The following C4orf46 variants were observed in gnomAD, a reference collection of about 807,000 sequenced individuals.
The protein encoded by C4orf46 is chromosome 4 open reading frame 46.
A neutral mutation model predicts 9.1 loss-of-function variants in C4orf46; 8 were observed. The observed-to-expected ratio is 0.88, with a 90% CI of 0.52 to 1.59. The LOEUF (loss-of-function observed/expected upper bound fraction) is 1.59. C4orf46 is among the 40% of genes most tolerant of loss of function. The pLI, the probability that C4orf46 is intolerant of heterozygous loss-of-function variation, is 0.00. For missense variants in C4orf46, 151 were observed against 139.1 expected (o/e 1.09, Z -0.43); for synonymous variants, 51 against 58.8 (o/e 0.87, Z 0.61).
chr4:158,671,929 T>C (rs926415823), upstream of C4orf46: 2 of 743,680 alleles, frequency 2.7e-6, no homozygotes, highest in Non-Finnish European at 4.3e-6. Context: ...AGTCTCCTCG[T>C]GGGTCTCAGC....
At chr4:158,669,865 A>G in intron 1 of C4orf46, 97 bp from the exon 2 acceptor site, 1 of 981,358 alleles carries the variant, frequency 1.0e-6, no homozygotes. Context: ...TCCAATGCCC[A>G]TGTTATTTTC....
chr4:158,670,023 C>CTTTTTTTTTTGTTTTTT (rs1773481333), intron 1 of C4orf46, among the ~76,000 whole-genome samples: 1 of 17,676 alleles, frequency 5.7e-5, no homozygotes, highest in African/African-American at 1.1e-4. Context: ...TAGTTGTTTT[C>CTTTTTTTTTTGTTTTTT]TTTTTTTTTT....
rs576383091 is a variant in C4orf46 at position 158,667,702 on chromosome 4, T to C, written c.*1911A>G. 1 of 139,138 alleles carries C rather than the reference T, an allele frequency of 7.2e-6. No homozygotes were observed. The highest frequency in any genetic ancestry group is 1.6e-5 in the Non-Finnish European group (1 of 63,718). 8.6% of individuals were successfully genotyped at this position (139,138 alleles called of 1,614,324 possible). A position where few individuals can be genotyped will look rare whatever the true frequency, so the allele number is the denominator to read the frequency against. On this transcript the variant is annotated 3_prime_UTR_variant, in exon 2 of 2. Transcript: ENST00000379205. ...AGCAATAGAGTGAGATCTTGTCTCT[T>C]AAAAAAAAAAAAAAGAGTAAAAGAT...
At chr4:158,671,500 G>A in intron 1 of C4orf46, 116 bp downstream of exon 1, 1 of 1,109,180 alleles carries the variant, frequency 9.0e-7, no homozygotes, top group Non-Finnish European at 1.2e-6. Flanking sequence ...GCGCAGAAGG[G>A]CCGGTCGTCC....
rs548619249 is a variant in C4orf46 at position 158,666,747 on chromosome 4, G to A, written c.*2866C>T. On this transcript the variant is annotated 3_prime_UTR_variant, in exon 2 of 2. Transcript: ENST00000379205. The stretch of plus-strand genomic sequence containing the variant: ...CACACAGGAGAAAACTCAATGAAAA[G>A]GTAAACACAAGTAGTGGCTTACAAC... The A allele has an allele frequency of 7.2e-5, 11 of 152,236 alleles. No individual in the cohort carries two copies. In the East Asian group the frequency reaches 1.7e-3, roughly 24 times the overall value. 9.4% of individuals were successfully genotyped at this position (152,236 alleles called of 1,614,324 possible).
intron 1 of C4orf46, among the ~76,000 whole-genome samples, chr4:158,670,320 G>A (rs1209810916): frequency 6.6e-6 from 1 of 152,070 alleles, no homozygotes; most frequent in African/African-American, 2.4e-5. Context: ...ACCGTGCTTG[G>A]CCCAGGATTG....
chr4:158,667,862 C>G lies in C4orf46; in HGVS notation c.*1751G>C, dbSNP rs945970030. 2.9e-4 allele frequency: 44 copies of G among 152,294 alleles called. No homozygotes were observed. The highest frequency in any genetic ancestry group is 1.1e-3 in the African/African-American group (44 of 41,544). 9.4% of individuals were successfully genotyped at this position (152,294 alleles called of 1,614,324 possible). On this transcript the variant is annotated 3_prime_UTR_variant, in exon 2 of 2. Transcript: ENST00000379205. ...AGGGATCACTGGGGCCATCTGGAAG[C>G]TGGCTACCACATATATAAAACAATA...
rs1773389997 is a variant in C4orf46 at position 158,666,887 on chromosome 4, A to G, written c.*2726T>C. Reference sequence around the variant, plus strand: ...AACTGTGGAAGGTAAATATATGTTAAGAAACTAATAGTTTCTTGTTTGTAG... The same window carrying G: ...AACTGTGGAAGGTAAATATATGTTAGGAAACTAATAGTTTCTTGTTTGTAG... On this transcript the variant is annotated 3_prime_UTR_variant, in exon 2 of 2. Transcript: ENST00000379205. 1.3e-5 allele frequency: 2 copies of G among 152,170 alleles called. No homozygotes were observed. The highest frequency in any genetic ancestry group is 2.1e-4 in the South Asian group (1 of 4,836). The allele number at this position is 152,170 out of a possible 1,614,324, so 9.4% of individuals were successfully genotyped here. A position where few individuals can be genotyped will look rare whatever the true frequency, so the allele number is the denominator to read the frequency against.
In C4orf46 at chr4:158,667,170, A is replaced by C. The variant is rs1394043267; in HGVS notation, c.*2443T>G. On this transcript the variant is annotated 3_prime_UTR_variant, in exon 2 of 2. Transcript: ENST00000379205. ...GGTCAGAATCTGGCCCTTACATAGT[A>C]ACTGCATGACAGATGTTGCACTTGA... 1 of 152,236 alleles carries C rather than the reference A, an allele frequency of 6.6e-6. No homozygotes were observed. The highest frequency in any genetic ancestry group is 6.5e-5 in the Admixed American group (1 of 15,290). The allele number at this position is 152,236 out of a possible 1,614,324, so 9.4% of individuals were successfully genotyped here. A position where few individuals can be genotyped will look rare whatever the true frequency, so the allele number is the denominator to read the frequency against.
At position 158,671,709 on chromosome 4, in the gene C4orf46, C is replaced by G. The variant is rs148787311; in HGVS notation, c.93G>C (p.Pro31=). The change falls in exon 1 of 2, where the codon CCG becomes CCC. Residue 31 remains proline, a synonymous_variant. Transcript: ENST00000379205. Reference sequence around the variant, plus strand: ...GCCAGCCCAAACTCACTGGGCCGCCCGGGGAAGATGCTGCAGAGGCGTCTG... The same window carrying G: ...GCCAGCCCAAACTCACTGGGCCGCCGGGGGAAGATGCTGCAGAGGCGTCTG... The part of the protein sequence containing the change: ...SSSDASAASS[P]GGPVSLGWPV... 913 of 1,608,640 alleles carry G rather than the reference C, an allele frequency of 5.7e-4. 11 individuals are homozygous for G. The East Asian group carries it at 0.02, about 36-fold the overall frequency.
upstream of C4orf46, chr4:158,672,037 C>T: frequency 1.8e-6 from 1 of 560,536 alleles, no homozygotes; most frequent in Non-Finnish European, 3.2e-6. Flanking sequence ...TCCAATCGAT[C>T]TCGAAGGGCA....
At position 158,671,591 on chromosome 4, in the gene C4orf46, G is replaced by T. The variant is rs373552594; in HGVS notation, c.186+25C>A. 7.5e-6 allele frequency: 11 copies of T among 1,460,294 alleles called. No individual in the cohort carries two copies. The South Asian group carries it at 9.8e-5, about 13-fold the overall frequency. The allele number at this position is 1,460,294 out of a possible 1,614,324, so 90.5% of individuals were successfully genotyped here. A position where few individuals can be genotyped will look rare whatever the true frequency, so the allele number is the denominator to read the frequency against. ...GGTCTTCCCAGAGGCGCCGAGGGGG[G>T]ACGCGGTCCCGACACCACACTCACG... is the stretch of plus-strand genomic sequence containing the variant. On this transcript the variant is annotated intron_variant, in intron 1 of 1. Coordinates refer to ENST00000379205, the MANE Select transcript of C4orf46 (RefSeq NM_001008393.4).
rs1304043813 is a variant in C4orf46 at position 158,668,743 on chromosome 4, A to G, written c.*870T>C. On this transcript the variant is annotated 3_prime_UTR_variant, in exon 2 of 2. Coordinates refer to ENST00000379205, the MANE Select transcript of C4orf46 (RefSeq NM_001008393.4). ...GTAATAGCACAGAGCCATAAATCTG[A>G]TAAGGCACTTTAAAGATAGCAATCA... 3 of 152,266 alleles carry G rather than the reference A, an allele frequency of 2.0e-5. No homozygotes were observed. Among genetic ancestry groups the G allele is most frequent in the Non-Finnish European group, 4.4e-5 (3 of 68,040 alleles). The allele number at this position is 152,266 out of a possible 1,614,324, so 9.4% of individuals were successfully genotyped here. A position where few individuals can be genotyped will look rare whatever the true frequency, so the allele number is the denominator to read the frequency against.
chr4:158,671,507 G>C (rs1773544742), intron 1 of C4orf46, 109 bp downstream of exon 1: 1 of 1,187,004 alleles, frequency 8.4e-7, no homozygotes, highest in Non-Finnish European at 1.1e-6. Flanking sequence ...AGGGCCGGTC[G>C]TCCCGGGTCA....
chr4:158,669,448 C>A lies in C4orf46; in HGVS notation c.*165G>T. ...TACTGGTCCGCAACAAAAATAGCAT[C>A]GGTATTCTGCTTTCACAAAAACCAA... On this transcript the variant is annotated 3_prime_UTR_variant, in exon 2 of 2. Transcript: ENST00000379205. 1.7e-6 allele frequency: 1 copy of A among 581,984 alleles called. No individual in the cohort carries two copies. The highest frequency in any genetic ancestry group is 1.9e-5 in the African/African-American group (1 of 52,800). The allele number at this position is 581,984 out of a possible 1,614,324, so 36.1% of individuals were successfully genotyped here.
chr4:158,672,055 A>G, upstream of C4orf46: 1 of 563,146 alleles, frequency 1.8e-6, no homozygotes, highest in Non-Finnish European at 3.2e-6. Context: ...GCACTCGTAG[A>G]GAAAACTACA....
In C4orf46 at chr4:158,671,719, GCTGCAGAGGCGT is replaced by G. The variant is rs762346639; in HGVS notation, c.71_82del (p.Asp24_Ala27del). 2 of 1,603,088 alleles carry G rather than the reference GCTGCAGAGGCGT, an allele frequency of 1.2e-6. No individual in the cohort carries two copies. The highest frequency in any genetic ancestry group is 1.7e-6 in the Non-Finnish European group (2 of 1,175,018). On this transcript the variant is annotated inframe_deletion, in exon 1 of 2. Coordinates refer to ENST00000379205, the MANE Select transcript of C4orf46 (RefSeq NM_001008393.4). ...ACTCACTGGGCCGCCCGGGGAAGATGCTGCAGAGGCGTCTGAAGAGGAGGGAGAAGAGGGAGG... is the reference window on the plus strand; with the variant it reads ...ACTCACTGGGCCGCCCGGGGAAGATGCTGAAGAGGAGGGAGAAGAGGGAGG...
Position 158,671,846 on chromosome 4 carries a change from G to A in C4orf46, c.-45C>T, listed in dbSNP as rs963834404. On this transcript the variant is annotated 5_prime_UTR_variant, in exon 1 of 2. Coordinates refer to ENST00000379205, the MANE Select transcript of C4orf46 (RefSeq NM_001008393.4). ...GGAATCCGACCCGAGAAGCCGAACC[G>A]ACACCAACTGTCTTTTAACCACTCG... The A allele has an allele frequency of 1.4e-6, 2 of 1,414,378 alleles. No homozygotes were observed. The allele number at this position is 1,414,378 out of a possible 1,614,324, so 87.6% of individuals were successfully genotyped here.
Position 158,669,252 on chromosome 4 carries a change from A to G in C4orf46, c.*361T>C. 6.2e-6 allele frequency: 1 copy of G among 160,704 alleles called. No individual in the cohort carries two copies. Among genetic ancestry groups the G allele is most frequent in the Non-Finnish European group, 1.4e-5 (1 of 73,656 alleles). The allele number at this position is 160,704 out of a possible 1,614,324, so 10.0% of individuals were successfully genotyped here. ...CCCTTGGTCCTTAAGATGAAACGCAACTTCAAAGTCTGCCATGCTTAGCAT... is the reference window on the plus strand; with the variant it reads ...CCCTTGGTCCTTAAGATGAAACGCAGCTTCAAAGTCTGCCATGCTTAGCAT... On this transcript the variant is annotated 3_prime_UTR_variant, in exon 2 of 2. Coordinates refer to ENST00000379205, the MANE Select transcript of C4orf46 (RefSeq NM_001008393.4).
Sources: gnomAD v4.1 joint callset for allele counts (sites outside exome capture counted in the v4.1 genomes callset) on GRCh38, gnomAD v4.1.1 for gene constraint, MANE v1.5 for transcripts, NCBI Gene and HGNC (gene_info 2026-07-23, HGNC 2026-07-21) for gene names.